DAB1: variants seen among roughly 807,000 people sequenced by gnomAD.
DAB1 encodes the protein disabled homolog 1.
Under a neutral mutation model 64.6 loss-of-function variants are expected in DAB1, and 15 were observed. The ratio of observed to expected loss-of-function variants is 0.23; its 90% confidence interval spans 0.16 to 0.36. The LOEUF (loss-of-function observed/expected upper bound fraction) is 0.36, where lower values mean the gene tolerates loss of function less well. Ranked by LOEUF, DAB1 falls within the 10% of genes least tolerant of loss-of-function variation. The pLI, the probability that DAB1 is intolerant of heterozygous loss-of-function variation, is 1.00. For synonymous variants in DAB1, 235 were observed against 251.9 expected (o/e 0.93, Z 0.64); for missense variants, 596 against 706.7 (o/e 0.84, Z 1.78).
intron 2 of DAB1, among the ~76,000 whole-genome samples, chr1:57,260,692 G>C (rs1394810468): frequency 6.6e-6 from 1 of 152,112 alleles, no homozygotes; most frequent in Non-Finnish European, 1.5e-5. Context: ...GAGAAGTCAG[G>C]GGACTCACCT....
intron 3 of DAB1, among the ~76,000 whole-genome samples, chr1:58,358,336 G>C (rs1277767189): frequency 2.6e-5 from 4 of 152,136 alleles, no homozygotes; most frequent in Admixed American, 2.6e-4. Flanking sequence ...GTCCTTCACA[G>C]CCAGGACTGT....
At chr1:57,072,228 G>A in intron 5 of DAB1, 55 bp downstream of exon 5, 1 of 1,602,598 alleles carries the variant, frequency 6.2e-7, no homozygotes, top group South Asian at 1.1e-5. Flanking sequence ...GGAGTCACTG[G>A]ACTGTCCCCC....
intron 1 of DAB1, among the ~76,000 whole-genome samples, chr1:57,415,688 A>G (rs269061): frequency 0.019 from 2,821 of 152,302 alleles, 84 homozygotes; most frequent in African/African-American, 0.064. Context: ...ATTTGAATGG[A>G]TGTGGCTTAT....
chr1:57,875,772 C>A (rs1202784), intron 1 of DAB1, among the ~76,000 whole-genome samples: 93,757 of 152,046 alleles, frequency 0.62, 29,121 homozygotes, highest in African/African-American at 0.68. Context: ...CAAGCCATCA[C>A]GTTGGCCTGG....
intron 5 of DAB1, among the ~76,000 whole-genome samples, chr1:58,090,068 T>A (rs187481674): frequency 2.6e-5 from 4 of 152,338 alleles, no homozygotes; most frequent in Admixed American, 2.6e-4. Context: ...TGTTTCTTCA[T>A]CTGCAGTTTG....
intron 4 of DAB1, among the ~76,000 whole-genome samples, chr1:57,072,638 T>C (rs1366096520): frequency 6.6e-6 from 1 of 152,238 alleles, no homozygotes; most frequent in African/African-American, 2.4e-5. Context: ...ATTGTTCATA[T>C]GCTGAATAAG....
chr1:57,273,451 G>T lies in DAB1; in HGVS notation c.67+17513C>A, dbSNP rs563231468. On this transcript the variant is annotated intron_variant, in intron 2 of 14. Transcript: ENST00000371236. ...CCTCTGCTAAGCAACTTTGGCTTAA[G>T]TACTCCAATAAGACCTGGCTGAAGT... Among the ~76,000 whole-genome samples, 7 of 152,202 alleles carry T rather than the reference G, an allele frequency of 4.6e-5. No homozygotes were observed. The South Asian group carries it at 8.3e-4, about 18-fold the overall frequency.
At chr1:58,425,443 T>G (rs985579508) in intron 3 of DAB1, among the ~76,000 whole-genome samples, 1 of 152,226 alleles carries the variant, frequency 6.6e-6, no homozygotes, top group East Asian at 1.9e-4. Context: ...AGCTAGCCCA[T>G]GTTGGCATTC....
chr1:57,164,486 A>G (rs1661048364), intron 2 of DAB1, among the ~76,000 whole-genome samples: 1 of 152,134 alleles, frequency 6.6e-6, no homozygotes, highest in South Asian at 2.1e-4. Flanking sequence ...TTTATACAGC[A>G]TGACTTTACC....
chr1:57,081,076 G>A (rs1273480432), intron 4 of DAB1, among the ~76,000 whole-genome samples: 1 of 152,120 alleles, frequency 6.6e-6, no homozygotes, highest in Non-Finnish European at 1.5e-5. Flanking sequence ...TGTATATTGT[G>A]CTGTCCTGTC....
intron 5 of DAB1, among the ~76,000 whole-genome samples, chr1:58,015,392 G>C (rs1646724407): frequency 6.6e-6 from 1 of 151,976 alleles, no homozygotes; most frequent in Non-Finnish European, 1.5e-5. Flanking sequence ...CCCTAAACAT[G>C]ATACTTAATT....
intron 3 of DAB1, among the ~76,000 whole-genome samples, chr1:57,143,629 A>C (rs1045125477): frequency 1.3e-5 from 2 of 152,148 alleles, no homozygotes; most frequent in Non-Finnish European, 2.9e-5. Flanking sequence ...AAGTTTTAAA[A>C]ATCATGATTC....
chr1:57,023,861 A>G (rs1465797115), intron 10 of DAB1, among the ~76,000 whole-genome samples: 1 of 152,152 alleles, frequency 6.6e-6, no homozygotes, highest in South Asian at 2.1e-4. Context: ...TAATTAAATT[A>G]TTTTACATTA....
intron 5 of DAB1, among the ~76,000 whole-genome samples, chr1:57,986,387 A>G (rs763657048): frequency 6.6e-6 from 1 of 152,172 alleles, no homozygotes; most frequent in Admixed American, 6.5e-5. Context: ...TTGAAGATAC[A>G]GCAAAAATGT....
At chr1:58,176,806 C>T (rs1457127560) in intron 4 of DAB1, among the ~76,000 whole-genome samples, 3 of 151,990 alleles carry the variant, frequency 2.0e-5, no homozygotes, top group Non-Finnish European at 4.4e-5. Flanking sequence ...GGTGAAACAC[C>T]GTCTCTACTA....
At chr1:57,005,953 C>G (rs931988342) in intron 14 of DAB1, among the ~76,000 whole-genome samples, 2 of 152,196 alleles carry the variant, frequency 1.3e-5, no homozygotes, top group African/African-American at 4.8e-5. Flanking sequence ...TGCAGTGGTT[C>G]TAGAAACAGT....
At chr1:57,557,623 AC>A (rs1443445633) in intron 7 of DAB1, among the ~76,000 whole-genome samples, 1 of 151,940 alleles carries the variant, frequency 6.6e-6, no homozygotes, top group Non-Finnish European at 1.5e-5. Flanking sequence ...AATATGATTG[AC>A]CCCAAAATAC....
At chr1:57,164,408 C>T (rs910685888) in intron 2 of DAB1, among the ~76,000 whole-genome samples, 1 of 151,996 alleles carries the variant, frequency 6.6e-6, no homozygotes, top group African/African-American at 2.4e-5. Context: ...TTTGAGATAC[C>T]CTCCAGATCT....
At chr1:58,093,266 G>A (rs1040052874) in intron 5 of DAB1, among the ~76,000 whole-genome samples, 7 of 152,168 alleles carry the variant, frequency 4.6e-5, no homozygotes, top group African/African-American at 1.2e-4. Flanking sequence ...GTATGCAATC[G>A]GGAAAGCTGA....
Sources: gnomAD v4.1 joint callset for allele counts (sites outside exome capture counted in the v4.1 genomes callset) on GRCh38, gnomAD v4.1.1 for gene constraint, MANE v1.5 for transcripts, NCBI Gene and HGNC (gene_info 2026-07-23, HGNC 2026-07-21) for gene names.